The following BEND7 variants were observed in gnomAD, a reference collection of about 807,000 sequenced individuals.
The protein encoded by BEND7 is BEN domain containing 7, also known as BEN domain-containing protein 7.
BEND7 carries 28 observed loss-of-function variants against 50.9 expected under a neutral mutation model. That is an observed-to-expected ratio of 0.55 (90% CI 0.41 to 0.75). The LOEUF (loss-of-function observed/expected upper bound fraction) is 0.75. BEND7 is among the 30% of genes least tolerant of loss of function. The pLI is 0.00. For missense variants in BEND7, 477 were observed against 491.3 expected, an observed-to-expected ratio of 0.97 and a Z score of 0.28; for synonymous variants, 170 against 183.9, an observed-to-expected ratio of 0.92 and a Z score of 0.61.
chr10:13,442,859 A>G (rs1229329308), intron 8 of BEND7: 2 of 152,206 alleles, frequency 1.3e-5, no homozygotes, highest in African/African-American at 4.8e-5. Flanking sequence ...TTCATCTTAC[A>G]GGTCAGAGCT....
intron 2 of BEND7, among the ~76,000 whole-genome samples, chr10:13,504,343 GC>G (rs145759915): frequency 0.015 from 2,256 of 152,254 alleles, 65 homozygotes; most frequent in African/African-American, 0.052. Context: ...AAATCCTAAA[GC>G]AAGAGTCTGA....
rs190605574 is a variant in BEND7, at chr10:13,474,336, G to C, written c.1063+6563C>G. Among the ~76,000 whole-genome samples the C allele has an allele frequency of 3.6e-3, 543 of 151,854 alleles. 8 individuals are homozygous for C. Among genetic ancestry groups the C allele is most frequent in the Admixed American group, 0.017 (259 of 15,262 alleles). Reference sequence around the variant, plus strand: ...TATCCATCATCGCTGTTAAATTTGGGGTCGATATCCGTCATGACTGTTAGA... The same window carrying C: ...TATCCATCATCGCTGTTAAATTTGGCGTCGATATCCGTCATGACTGTTAGA... On this transcript the variant is annotated intron_variant, in intron 6 of 8. Transcript: ENST00000466271.
intron 5 of BEND7, among the ~76,000 whole-genome samples, chr10:13,484,723 C>A (rs531497827): frequency 3.9e-5 from 6 of 152,294 alleles, no homozygotes; most frequent in African/African-American, 1.4e-4. Context: ...TTCAAAATAA[C>A]AATCTAAAGT....
downstream of BEND7, chr10:13,438,620 C>T (rs1378868791): frequency 6.5e-6 from 1 of 153,232 alleles, no homozygotes; most frequent in Admixed American, 6.5e-5. Flanking sequence ...AGGAGTTGAT[C>T]TGTGTAAATT....
intron 2 of BEND7, among the ~76,000 whole-genome samples, chr10:13,516,925 A>G (rs1418334499): frequency 6.6e-6 from 1 of 152,208 alleles, no homozygotes; most frequent in African/African-American, 2.4e-5. Context: ...AAAAGACTGT[A>G]TTTCTCAGTG....
intron 6 of BEND7, among the ~76,000 whole-genome samples, chr10:13,476,217 C>G (rs1180492535): frequency 6.6e-6 from 1 of 152,020 alleles, no homozygotes; most frequent in Non-Finnish European, 1.5e-5. Context: ...TTCTGCAGAG[C>G]CTGTGAAAGT....
At chr10:13,513,689 T>C (rs964654415) in intron 2 of BEND7, among the ~76,000 whole-genome samples, 1 of 152,216 alleles carries the variant, frequency 6.6e-6, no homozygotes, top group South Asian at 2.1e-4. Context: ...TCCCCTCCCA[T>C]TCTACTCCAC....
intron 8 of BEND7, chr10:13,443,285 G>C (rs1199148620): frequency 1.3e-5 from 2 of 152,658 alleles, no homozygotes; most frequent in Non-Finnish European, 2.9e-5. Flanking sequence ...GTGGATCTTT[G>C]TGGAAATTCA....
intron 2 of BEND7, among the ~76,000 whole-genome samples, chr10:13,501,559 G>A (rs1406681835): frequency 6.6e-6 from 1 of 151,762 alleles, no homozygotes; most frequent in Non-Finnish European, 1.5e-5. Flanking sequence ...TAAAATCTTA[G>A]GCCACTGTTG....
intron 7 of BEND7, among the ~76,000 whole-genome samples, chr10:13,448,917 G>A (rs1397304184): frequency 6.7e-6 from 1 of 150,030 alleles, no homozygotes; most frequent in Non-Finnish European, 1.5e-5. Flanking sequence ...GGAGCTTGGT[G>A]AGCCGAGATC....
At position 13,441,754 on chromosome 10, in the gene BEND7, G is replaced by C; in HGVS notation, c.1235-4C>G. On this transcript the variant is annotated splice_polypyrimidine_tract_variant and splice_region_variant and intron_variant, in intron 8 of 8. Transcript: ENST00000466271. ...TTTGCAGTCCTTCATCAGACCACTT[G>C]AGAAAACAAAGGGACTGTTGTCAGG... The C allele has an allele frequency of 6.2e-7, 1 of 1,613,946 alleles. No homozygotes were observed. Among genetic ancestry groups the C allele is most frequent in the Non-Finnish European group, 8.5e-7 (1 of 1,179,908 alleles).
chr10:13,524,526 C>T (rs1263862407), intron 2 of BEND7, among the ~76,000 whole-genome samples: 2 of 151,558 alleles, frequency 1.3e-5, no homozygotes, highest in Non-Finnish European at 2.9e-5. Context: ...TGCTTGTAAT[C>T]CCAGCTACTC....
intron 2 of BEND7, among the ~76,000 whole-genome samples, chr10:13,516,814 G>A (rs2078711572): frequency 6.6e-6 from 1 of 152,164 alleles, no homozygotes; most frequent in South Asian, 2.1e-4. Context: ...AAAGAGATCA[G>A]GCTAGATGAT....
At chr10:13,480,106 T>C (rs971542144) in intron 6 of BEND7, among the ~76,000 whole-genome samples, 4 of 152,234 alleles carry the variant, frequency 2.6e-5, no homozygotes, top group Non-Finnish European at 5.9e-5. Context: ...GTGTTTAGTT[T>C]TGAGACTTGG....
chr10:13,448,005 A>C (rs1352860754), intron 7 of BEND7, among the ~76,000 whole-genome samples: 2 of 152,140 alleles, frequency 1.3e-5, no homozygotes, highest in Non-Finnish European at 2.9e-5. Flanking sequence ...CTTGAGAATG[A>C]ACCTTTCTTT....
At chr10:13,501,374 C>CAAAAAAAAAAAAAAAAAAAAAAAAAAA (rs58905816) in intron 2 of BEND7, among the ~76,000 whole-genome samples, 1 of 72,970 alleles carries the variant, frequency 1.4e-5, no homozygotes, top group Non-Finnish European at 2.6e-5. Flanking sequence ...AACTCCATCT[C>CAAAAAAAAAAAAAAAAAAAAAAAAAAA]AAAAAAAAAA....
chr10:13,501,230 C>T (rs1009031866), intron 2 of BEND7, among the ~76,000 whole-genome samples: 1 of 151,856 alleles, frequency 6.6e-6, no homozygotes, highest in Non-Finnish European at 1.5e-5. Flanking sequence ...CAAAATTAGC[C>T]AGGCGTGGTG....
rs2075813657 is a variant in BEND7, at chr10:13,480,950, G to A, written c.1012C>T (p.Leu338Phe). Reference sequence around the variant, plus strand: ...TCTAGTCCTTTCCGGTTGTCATTGAGTCCTCTTTTCCTCTTCCCATTGGGT... The same window carrying A: ...TCTAGTCCTTTCCGGTTGTCATTGAATCCTCTTTTCCTCTTCCCATTGGGT... ...SLPNGKRKRGLNDNRKGLDQN... is the reference protein window; with the variant it reads ...SLPNGKRKRGFNDNRKGLDQN... The change falls in exon 6 of 9, where the codon CTC becomes TTC. Residue 338 changes from leucine to phenylalanine, a missense_variant. Physicochemically the swap from Leu to Phe is conservative, Grantham distance 22. This residue lies in a region of BEND7 where 17 missense variants were observed against 38.6 expected (regional missense o/e 0.44). Transcript: ENST00000466271. 6.2e-7 allele frequency: 1 copy of A among 1,614,184 alleles called. No individual in the cohort carries two copies. The highest frequency in any genetic ancestry group is 8.5e-7 in the Non-Finnish European group (1 of 1,180,030).
intron 5 of BEND7, among the ~76,000 whole-genome samples, chr10:13,484,359 TAAG>T (rs915562892): frequency 6.6e-6 from 1 of 152,274 alleles, no homozygotes; most frequent in Admixed American, 6.5e-5. Flanking sequence ...ACATTTTCAC[TAAG>T]AAATCTTTTT....
Sources: allele counts gnomAD v4.1 joint callset (sites outside exome capture counted in the v4.1 genomes callset), GRCh38; gene constraint gnomAD v4.1.1; regional missense constraint gnomAD v4.1.1; transcripts MANE v1.5; gene names NCBI Gene and HGNC (gene_info 2026-07-23, HGNC 2026-07-21).